The following PDE1C variants were observed in gnomAD, a reference collection of about 807,000 sequenced individuals.
The protein encoded by PDE1C is phosphodiesterase 1C.
Under a neutral mutation model 93.1 loss-of-function variants are expected in PDE1C, and 62 were observed. The observed-to-expected ratio is 0.67, with a 90% confidence interval of 0.54 to 0.82. The LOEUF is 0.82. PDE1C is among the 40% of genes least tolerant of loss of function. The pLI is 0.00. For synonymous variants in PDE1C, 325 were observed against 310.1 expected (o/e 1.05, Z -0.50); for missense variants, 742 against 884.6 (o/e 0.84, Z 2.04).
chr7:32,285,917 T>C (rs1339775654), intron 1 of PDE1C, among the ~76,000 whole-genome samples: 1 of 152,138 alleles, frequency 6.6e-6, no homozygotes, highest in Admixed American at 6.6e-5. Context: ...CTTCATCCTT[T>C]ATAAATCTCT....
chr7:32,247,285 T>TAA (rs1809034806), intron 1 of PDE1C, among the ~76,000 whole-genome samples: 1 of 122,102 alleles, frequency 8.2e-6, no homozygotes, highest in Non-Finnish European at 1.8e-5. Context: ...CTAGGGCTTC[T>TAA]TGGCCAAACT....
At chr7:32,123,187 C>T (rs1799392133) in intron 3 of PDE1C, among the ~76,000 whole-genome samples, 1 of 152,078 alleles carries the variant, frequency 6.6e-6, no homozygotes, top group African/African-American at 2.4e-5. Context: ...CTGAATAGAC[C>T]AATAACAAGT....
Position 31,983,457 on chromosome 7 carries a change from A to G in PDE1C, c.128+68097T>C, listed in dbSNP as rs141892444. Among the ~76,000 whole-genome samples the G allele has an allele frequency of 6.4e-3, 967 of 152,264 alleles. 3 individuals carry two copies. Among genetic ancestry groups the G allele is most frequent in the Non-Finnish European group, 0.01 (702 of 68,020 alleles). ...CACAGAAAATCTGACACAATAGCAA[A>G]TGCACTGAATGATGCATGCCATTCA... On this transcript the variant is annotated intron_variant, in intron 2 of 17. Transcript: ENST00000396191.
intron 3 of PDE1C, among the ~76,000 whole-genome samples, chr7:32,147,238 A>AAAAAGAAAGAAAG (rs1240339608): frequency 2.8e-5 from 4 of 140,452 alleles, no homozygotes; most frequent in Non-Finnish European, 4.6e-5. Context: ...TTGGTAAATA[A>AAAAAGAAAGAAAG]AAAAGAAAGA....
chr7:31,917,174 A>G (rs1293282911), intron 2 of PDE1C, among the ~76,000 whole-genome samples: 8 of 152,152 alleles, frequency 5.3e-5, no homozygotes, highest in African/African-American at 1.9e-4. Context: ...TCCATCCCAA[A>G]TATCACCACA....
chr7:31,909,647 G>A (rs1175985869), intron 2 of PDE1C, among the ~76,000 whole-genome samples: 1 of 152,028 alleles, frequency 6.6e-6, no homozygotes, highest in East Asian at 1.9e-4. Context: ...ATTTGGCATT[G>A]GTTTGCCTTT....
At chr7:32,425,238 A>T (rs554251897) in intron 1 of PDE1C, among the ~76,000 whole-genome samples, 2 of 152,178 alleles carry the variant, frequency 1.3e-5, no homozygotes, top group South Asian at 4.1e-4. Context: ...GAGAAGTTCA[A>T]TCTAGTCCAG....
intron 2 of PDE1C, among the ~76,000 whole-genome samples, chr7:32,202,747 G>A (rs1381033020): frequency 6.6e-6 from 1 of 152,124 alleles, no homozygotes; most frequent in African/African-American, 2.4e-5. Flanking sequence ...TCGAGAGGAT[G>A]ATTATAAGTG....
At chr7:32,120,412 G>A (rs981876629) in intron 3 of PDE1C, among the ~76,000 whole-genome samples, 78 of 152,270 alleles carry the variant, frequency 5.1e-4, no homozygotes, top group African/African-American at 1.8e-3. Context: ...CATTAAGCAG[G>A]TCCTGTTCCC....
At chr7:31,849,103 G>A (rs1174096974) in intron 8 of PDE1C, among the ~76,000 whole-genome samples, 1 of 152,150 alleles carries the variant, frequency 6.6e-6, no homozygotes, top group Non-Finnish European at 1.5e-5. Context: ...TGGAGATAAC[G>A]CAGAACATTC....
intron 2 of PDE1C, among the ~76,000 whole-genome samples, chr7:31,922,885 A>T (rs944990637): frequency 6.6e-6 from 1 of 152,240 alleles, no homozygotes; most frequent in Non-Finnish European, 1.5e-5. Context: ...TGTCAAGAAC[A>T]ACACAGTTTA....
At chr7:31,652,965 T>C in the PDE1C span, 27 of 1,461,246 alleles carry the variant, frequency 1.8e-5, no homozygotes, top group Non-Finnish European at 2.4e-5. Context: ...TACCCTTTGG[T>C]TAAACCCAAG....
chr7:32,416,715 G>A (rs767213039), intron 1 of PDE1C, among the ~76,000 whole-genome samples: 14 of 152,258 alleles, frequency 9.2e-5, no homozygotes, highest in Non-Finnish European at 1.9e-4. Flanking sequence ...GCAGGTGAGA[G>A]ATGGGGCAAG....
At chr7:32,109,894 T>A (rs1303673980) in intron 3 of PDE1C, among the ~76,000 whole-genome samples, 2 of 152,248 alleles carry the variant, frequency 1.3e-5, no homozygotes, top group East Asian at 3.9e-4. Context: ...ACAGTCAAGA[T>A]GAAACAAAGA....
chr7:32,007,900 T>C (rs1184249641), intron 2 of PDE1C, among the ~76,000 whole-genome samples: 1 of 152,184 alleles, frequency 6.6e-6, no homozygotes, highest in Non-Finnish European at 1.5e-5. Flanking sequence ...TGAGACATTC[T>C]CTCTAGAAAG....
intron 2 of PDE1C, among the ~76,000 whole-genome samples, chr7:31,894,156 T>C (rs1024787565): frequency 3.3e-5 from 5 of 152,204 alleles, no homozygotes; most frequent in African/African-American, 9.6e-5. Flanking sequence ...TGTTCAACAT[T>C]TGCTACTGAC....
chr7:32,290,945 G>A (rs1363523913), intron 1 of PDE1C, among the ~76,000 whole-genome samples: 1 of 152,084 alleles, frequency 6.6e-6, no homozygotes, highest in Non-Finnish European at 1.5e-5. Flanking sequence ...AGGACTCAGA[G>A]TTGGTTATTA....
the PDE1C span, among the ~76,000 whole-genome samples, chr7:31,715,189 T>C: frequency 1.3e-3 from 201 of 152,338 alleles, 1 homozygote; most frequent in Middle Eastern, 0.01. Context: ...ATATGTATTA[T>C]TATTGTTATT....
chr7:31,679,199 G>A, the PDE1C span, among the ~76,000 whole-genome samples: 1 of 152,152 alleles, frequency 6.6e-6, no homozygotes, highest in African/African-American at 2.4e-5. Context: ...GGGTATTCTG[G>A]ACAGATGGGA....
Sources: allele counts gnomAD v4.1 joint callset (sites outside exome capture counted in the v4.1 genomes callset), GRCh38; gene constraint gnomAD v4.1.1; transcripts MANE v1.5; gene names NCBI Gene and HGNC (gene_info 2026-07-23, HGNC 2026-07-21).